The following VEGFC variants were observed in gnomAD, a reference collection of about 807,000 sequenced individuals.
The protein encoded by VEGFC is FLT4 ligand DHM.
A neutral mutation model predicts 46.1 loss-of-function variants in VEGFC; 12 were observed. The ratio of observed to expected loss-of-function variants is 0.26; its 90% CI spans 0.17 to 0.42. The LOEUF (loss-of-function observed/expected upper bound fraction) is 0.42. VEGFC is among the 10% of genes least tolerant of loss of function. VEGFC has a pLI of 1.00. For missense variants in VEGFC, 488 were observed against 529.4 expected, an observed-to-expected ratio of 0.92 and a Z score of 0.77; for synonymous variants, 232 against 195.5, an observed-to-expected ratio of 1.19 and a Z score of -1.56.
At chr4:176,751,481 T>A (rs777685955) in intron 1 of VEGFC, among the ~76,000 whole-genome samples, 14 of 151,924 alleles carry the variant, frequency 9.2e-5, no homozygotes, top group Non-Finnish European at 1.8e-4. Context: ...TAAGGAAACA[T>A]CAAAATGTTC....
chr4:176,744,557 A>T (rs551513608), intron 1 of VEGFC, among the ~76,000 whole-genome samples: 1 of 152,152 alleles, frequency 6.6e-6, no homozygotes, highest in African/African-American at 2.4e-5. Context: ...AGGATGAAAG[A>T]TGGCATTTAG....
chr4:176,740,172 TAA>T (rs1236055538), intron 1 of VEGFC, among the ~76,000 whole-genome samples: 68 of 125,108 alleles, frequency 5.4e-4, no homozygotes, highest in African/African-American at 2.1e-3. Flanking sequence ...AGAATATATA[TAA>T]CTATATATAA....
Position 176,774,267 on chromosome 4 carries a change from GCA to G in VEGFC, c.147+17896_147+17897del, listed in dbSNP as rs1432437900. On this transcript the variant is annotated intron_variant, in intron 1 of 6. Transcript: ENST00000618562. ...CAGATAATTTTAATAGAATGAAACT[GCA>G]TAATAAATAAAAATTTTGATTCATA... Among the ~76,000 whole-genome samples, 5 of 61,158 alleles carry G rather than the reference GCA, an allele frequency of 8.2e-5. No individual in the cohort carries two copies. The South Asian group carries it at 5.0e-3, about 62-fold the overall frequency. 40.1% of individuals were successfully genotyped at this position (61,158 alleles called of 152,430 possible).
intron 3 of VEGFC, among the ~76,000 whole-genome samples, chr4:176,726,268 T>C (rs952887732): frequency 2.6e-5 from 4 of 152,286 alleles, no homozygotes; most frequent in South Asian, 2.1e-4. Context: ...TAGAGTCACA[T>C]TGTATTCCTT....
intron 1 of VEGFC, among the ~76,000 whole-genome samples, chr4:176,771,176 C>A (rs1735715842): frequency 6.6e-6 from 1 of 152,038 alleles, no homozygotes; most frequent in South Asian, 2.1e-4. Flanking sequence ...TGACAATTAC[C>A]CTTATTCAAG....
At chr4:176,737,095 C>T (rs1735068776) in intron 1 of VEGFC, among the ~76,000 whole-genome samples, 1 of 150,290 alleles carries the variant, frequency 6.7e-6, no homozygotes. Context: ...ATGAAAAGAC[C>T]ACCCACTTTA....
At chr4:176,758,509 T>C (rs1735472890) in intron 1 of VEGFC, among the ~76,000 whole-genome samples, 1 of 152,100 alleles carries the variant, frequency 6.6e-6, no homozygotes, top group Middle Eastern at 3.2e-3. Context: ...CTAGAAAACC[T>C]CCGTCTTACT....
At chr4:176,791,317 G>A (rs1736085764) in intron 1 of VEGFC, among the ~76,000 whole-genome samples, 2 of 152,088 alleles carry the variant, frequency 1.3e-5, no homozygotes, top group Admixed American at 6.5e-5. Context: ...TGGCAGGTAT[G>A]AACTTTTTAG....
intron 3 of VEGFC, 124 bp downstream of exon 3, chr4:176,727,654 A>AAC (rs1421519059): frequency 6.6e-5 from 41 of 617,056 alleles, no homozygotes; most frequent in Middle Eastern, 4.8e-4. Flanking sequence ...CCCTAAAGAA[A>AAC]ATATGAGACC....
At chr4:176,760,665 A>T (rs541606362) in intron 1 of VEGFC, among the ~76,000 whole-genome samples, 2 of 152,292 alleles carry the variant, frequency 1.3e-5, no homozygotes, top group East Asian at 3.9e-4. Context: ...ATACGAGCTA[A>T]AGCTGTTCTC....
At chr4:176,762,765 A>G (rs904942042) in intron 1 of VEGFC, among the ~76,000 whole-genome samples, 2 of 152,246 alleles carry the variant, frequency 1.3e-5, no homozygotes, top group African/African-American at 2.4e-5. Flanking sequence ...AAGTGAAATA[A>G]TTCAGAGAGT....
intron 1 of VEGFC, among the ~76,000 whole-genome samples, chr4:176,752,145 G>T (rs888093526): frequency 1.3e-5 from 2 of 151,854 alleles, no homozygotes; most frequent in Non-Finnish European, 2.9e-5. Flanking sequence ...TATCTTTTCT[G>T]TGATAAATAC....
intron 1 of VEGFC, among the ~76,000 whole-genome samples, chr4:176,735,539 T>C (rs1388981521): frequency 6.6e-6 from 1 of 151,938 alleles, no homozygotes; most frequent in Non-Finnish European, 1.5e-5. Flanking sequence ...CAGCACTGGA[T>C]GTTTTGGACA....
intron 4 of VEGFC, among the ~76,000 whole-genome samples, chr4:176,690,140 T>C (rs1330145993): frequency 1.3e-5 from 2 of 152,204 alleles, no homozygotes; most frequent in Admixed American, 1.3e-4. Context: ...TTTGACTTCA[T>C]ACTAATAACT....
At chr4:176,786,325 C>T (rs976854287) in intron 1 of VEGFC, among the ~76,000 whole-genome samples, 1 of 152,236 alleles carries the variant, frequency 6.6e-6, no homozygotes, top group Non-Finnish European at 1.5e-5. Context: ...AAGCTCTTGA[C>T]TTTTGCACCA....
intron 2 of VEGFC, among the ~76,000 whole-genome samples, chr4:176,728,409 T>C (rs1734907952): frequency 6.6e-6 from 1 of 152,232 alleles, no homozygotes; most frequent in Non-Finnish European, 1.5e-5. Context: ...CTGAGTTGCA[T>C]ATGAGAAGAC....
In VEGFC at chr4:176,792,262, G is replaced by A; in HGVS notation, c.50C>T (p.Ala17Val). The A allele has an allele frequency of 6.4e-7, 1 of 1,553,520 alleles. No homozygotes were observed. The highest frequency in any genetic ancestry group is 2.6e-5 in the East Asian group (1 of 39,100). The change falls in exon 1 of 7, where the codon GCG becomes GTG. Residue 17 changes from alanine to valine, a missense_variant. Coordinates refer to ENST00000618562, the MANE Select transcript of VEGFC (RefSeq NM_005429.5). The surrounding 1 kb of genome is among the most constrained non-coding windows in gnomAD (Gnocchi z 6.3). ...FSVACSLLAA[A>V]LLPGPREAPA... ...CGCCTCGCGAGGACCCGGGAGCAGC[G>A]CAGCGGCGAGCAGAGAACACGCCAC...
At chr4:176,790,788 G>A (rs978493103) in intron 1 of VEGFC, among the ~76,000 whole-genome samples, 2 of 152,108 alleles carry the variant, frequency 1.3e-5, no homozygotes, top group Non-Finnish European at 1.5e-5. Flanking sequence ...TATCAGAAGC[G>A]TTATTGAGCC....
intron 1 of VEGFC, among the ~76,000 whole-genome samples, chr4:176,782,544 A>G (rs1735934713): frequency 6.6e-6 from 1 of 152,074 alleles, no homozygotes; most frequent in African/African-American, 2.4e-5. Flanking sequence ...ATTACTATGA[A>G]GAAAATCACA....
Sources: gnomAD v4.1 joint callset for allele counts (sites outside exome capture counted in the v4.1 genomes callset) on GRCh38, gnomAD v4.1.1 for gene constraint, Gnocchi (gnomAD v3.1) non-coding constraint, MANE v1.5 for transcripts, NCBI Gene and HGNC (gene_info 2026-07-23, HGNC 2026-07-21) for gene names.